Variants in KBTBD12 observed in about 807,000 individuals in gnomAD.
KBTBD12 encodes the protein kelch repeat and BTB domain containing 12.
KBTBD12 carries 53 observed loss-of-function variants against 58.7 expected under a neutral mutation model. That is an observed-to-expected ratio of 0.90 (90% confidence interval 0.72 to 1.14). The LOEUF is 1.14. Among genes scored for constraint, KBTBD12 ranks in the 50% most tolerant of loss-of-function variants. The pLI, the probability that KBTBD12 is intolerant of heterozygous loss-of-function variation, is 0.00. For synonymous variants in KBTBD12, 236 were observed against 259.8 expected, an observed-to-expected ratio of 0.91 and a Z score of 0.88; for missense variants, 704 against 751.3, an observed-to-expected ratio of 0.94 and a Z score of 0.74.
intron 5 of KBTBD12, chr3:127,963,865 G>T (rs1025963492): frequency 1.3e-5 from 2 of 152,762 alleles, no homozygotes; most frequent in African/African-American, 4.8e-5. Flanking sequence ...GTACTGATCA[G>T]AAGTGTTGGG....
In KBTBD12 at chr3:127,930,529, A is replaced by G. The variant is rs529810006; in HGVS notation, c.1492+246A>G. ...ACAAGTGCCTTGGAATGTAAAAACA[A>G]TAATGATACATCCTTATATATACTA... On this transcript the variant is annotated intron_variant, in intron 4 of 5. Transcript: ENST00000405109. Among the ~76,000 whole-genome samples, 15 of 152,356 alleles carry G rather than the reference A, an allele frequency of 9.8e-5. No homozygotes were observed. The Middle Eastern group carries it at 0.02, about 207-fold the overall frequency.
At chr3:127,974,213 G>T (rs1940735414) in intron 5 of KBTBD12, among the ~76,000 whole-genome samples, 1 of 152,128 alleles carries the variant, frequency 6.6e-6, no homozygotes, top group South Asian at 2.1e-4. Flanking sequence ...CCAGAATTTG[G>T]CCCAGCTTCG....
chr3:127,957,723 TCA>T (rs1940347418), intron 4 of KBTBD12, among the ~76,000 whole-genome samples: 1 of 152,104 alleles, frequency 6.6e-6, no homozygotes. Context: ...TGCATTCTGT[TCA>T]GTGTTTGTGT....
At chr3:127,969,355 A>G (rs1384323796) in intron 5 of KBTBD12, among the ~76,000 whole-genome samples, 2 of 152,164 alleles carry the variant, frequency 1.3e-5, no homozygotes, top group Admixed American at 6.5e-5. Flanking sequence ...ATAGGAGTAA[A>G]TTTAACAAAA....
intron 4 of KBTBD12, among the ~76,000 whole-genome samples, chr3:127,960,381 T>A (rs1576388798): frequency 6.6e-6 from 1 of 152,382 alleles, no homozygotes; most frequent in Admixed American, 6.5e-5. Flanking sequence ...AACCAGGGTA[T>A]ATATTTTGCA....
rs1325652878 is a variant in KBTBD12 at position 127,919,100 on chromosome 3, C to T, written c.-113+3514C>T. Among the ~76,000 whole-genome samples, 5 of 152,266 alleles carry T rather than the reference C, an allele frequency of 3.3e-5. No individual in the cohort carries two copies. In the East Asian group the frequency reaches 9.7e-4, roughly 29 times the overall value. Reference sequence around the variant, plus strand: ...CCTATCCACAGACTGGAATTTAGCCCTGTCCAAGTCATTTCTCTTGTCTTC... The same window carrying T: ...CCTATCCACAGACTGGAATTTAGCCTTGTCCAAGTCATTTCTCTTGTCTTC... On this transcript the variant is annotated intron_variant, in intron 1 of 5. Coordinates refer to ENST00000405109, the MANE Select transcript of KBTBD12 (RefSeq NM_207335.4).
chr3:127,969,386 T>G (rs1162139002), intron 5 of KBTBD12, among the ~76,000 whole-genome samples: 2 of 152,142 alleles, frequency 1.3e-5, no homozygotes, highest in Non-Finnish European at 2.9e-5. Flanking sequence ...ATTTGTACAC[T>G]GAAAACTGCA....
At chr3:127,941,493 C>A (rs1200059185) in intron 4 of KBTBD12, among the ~76,000 whole-genome samples, 1 of 152,166 alleles carries the variant, frequency 6.6e-6, no homozygotes, top group Non-Finnish European at 1.5e-5. Flanking sequence ...ATGAAAAATT[C>A]TCAGCAAACC....
chr3:127,936,534 C>T (rs959315363), intron 4 of KBTBD12, among the ~76,000 whole-genome samples: 4 of 152,084 alleles, frequency 2.6e-5, no homozygotes, highest in East Asian at 1.9e-4. Flanking sequence ...TTTGTGCTGA[C>T]GGCTGCATAG....
intron 5 of KBTBD12, among the ~76,000 whole-genome samples, chr3:127,965,711 T>A (rs1940549890): frequency 6.6e-6 from 1 of 152,236 alleles, no homozygotes; most frequent in African/African-American, 2.4e-5. Context: ...CATAGTAATT[T>A]GTTTTTGGTT....
chr3:127,942,977 T>A (rs1559766287), intron 4 of KBTBD12, among the ~76,000 whole-genome samples: 2 of 152,104 alleles, frequency 1.3e-5, no homozygotes, highest in Non-Finnish European at 2.9e-5. Context: ...TTTATTCTCA[T>A]GAGAACTAAT....
In KBTBD12 at chr3:127,968,836, A is replaced by C. The variant is rs550530322; in HGVS notation, c.1690+5450A>C. On this transcript the variant is annotated intron_variant, in intron 5 of 5. Coordinates refer to ENST00000405109, the MANE Select transcript of KBTBD12 (RefSeq NM_207335.4). Reference sequence around the variant, plus strand: ...TGTAATATGCCGTATTAGTAGAATAAAGGGAAAAAAACAGATTATCTCAAT... The same window carrying C: ...TGTAATATGCCGTATTAGTAGAATACAGGGAAAAAAACAGATTATCTCAAT... Among the ~76,000 whole-genome samples, 5 of 147,290 alleles carry C rather than the reference A, an allele frequency of 3.4e-5. No homozygotes were observed. In the South Asian group the frequency reaches 1.2e-3, roughly 35 times the overall value.
At chr3:127,960,334 T>G (rs1235066703) in intron 4 of KBTBD12, among the ~76,000 whole-genome samples, 3 of 152,114 alleles carry the variant, frequency 2.0e-5, no homozygotes, top group African/African-American at 7.2e-5. Flanking sequence ...TTTCCCCCTT[T>G]CCACTACGCA....
At chr3:127,942,929 A>AGTTATAAAGTC (rs1939988961) in intron 4 of KBTBD12, among the ~76,000 whole-genome samples, 1 of 152,130 alleles carries the variant, frequency 6.6e-6, no homozygotes, top group African/African-American at 2.4e-5. Context: ...TCCCAGGGGC[A>AGTTATAAAGTC]TGCTGGCTTT....
chr3:127,948,357 G>A (rs1392470171), intron 4 of KBTBD12, among the ~76,000 whole-genome samples: 1 of 152,168 alleles, frequency 6.6e-6, no homozygotes, highest in East Asian at 1.9e-4. Context: ...CAGTAGCCCT[G>A]CTGAGTTATA....
intron 5 of KBTBD12, among the ~76,000 whole-genome samples, chr3:127,971,344 C>T (rs1356962787): frequency 2.6e-5 from 4 of 152,092 alleles, no homozygotes; most frequent in Non-Finnish European, 2.9e-5. Flanking sequence ...AACTGAATAC[C>T]GAAGAGCCAC....
chr3:127,938,227 TAATA>T (rs1939865735), intron 4 of KBTBD12, among the ~76,000 whole-genome samples: 1 of 152,100 alleles, frequency 6.6e-6, no homozygotes, highest in African/African-American at 2.4e-5. Context: ...AAATAATAAT[TAATA>T]TTTTTAAACA....
chr3:127,975,369 GGA>G (rs1278223676), intron 5 of KBTBD12, among the ~76,000 whole-genome samples: 3 of 152,214 alleles, frequency 2.0e-5, no homozygotes, highest in African/African-American at 7.2e-5. Context: ...GGATCACAGA[GGA>G]GATATGGCTG....
At chr3:127,940,043 A>G (rs1210840831) in intron 4 of KBTBD12, among the ~76,000 whole-genome samples, 4 of 152,194 alleles carry the variant, frequency 2.6e-5, no homozygotes, top group African/African-American at 9.6e-5. Flanking sequence ...AAAATAATTG[A>G]TTCACTAAGA....
Sources: allele counts gnomAD v4.1 joint callset (sites outside exome capture counted in the v4.1 genomes callset), GRCh38; gene constraint gnomAD v4.1.1; transcripts MANE v1.5; gene names NCBI Gene and HGNC (gene_info 2026-07-23, HGNC 2026-07-21).